NAA15: variants seen among roughly 807,000 people sequenced by gnomAD.
NAA15 encodes N-alpha-acetyltransferase 15, NatA auxiliary subunit.
In NAA15, 34 loss-of-function variants were observed where a neutral mutation model predicts 114.0. The observed-to-expected ratio is 0.30, with a 90% CI of 0.23 to 0.40. The LOEUF is 0.40. Ranked by LOEUF, NAA15 falls within the 10% of genes least tolerant of loss-of-function variation. NAA15 has a pLI of 1.00. For synonymous variants in NAA15, 340 were observed against 338.0 expected (o/e 1.01, Z -0.06); for missense variants, 658 against 1,004.5 (o/e 0.66, Z 4.66).
intron 17 of NAA15, 118 bp downstream of exon 17, chr4:139,378,972 T>C: frequency 1.6e-6 from 1 of 621,138 alleles, no homozygotes; most frequent in Non-Finnish European, 2.7e-6. Context: ...CATACTAAAT[T>C]AGCTAAGGGA....
At chr4:139,323,233 T>A (rs1208707411) in intron 1 of NAA15, among the ~76,000 whole-genome samples, 1 of 151,908 alleles carries the variant, frequency 6.6e-6, no homozygotes, top group Non-Finnish European at 1.5e-5. Flanking sequence ...ATTGTTGTAT[T>A]TTTAGTAGAG....
intron 3 of NAA15, among the ~76,000 whole-genome samples, chr4:139,337,761 GA>G (rs1747246801): frequency 6.6e-6 from 1 of 152,154 alleles, no homozygotes; most frequent in Admixed American, 6.6e-5. Context: ...TACAGACAAA[GA>G]AAAGATAACA....
intron 1 of NAA15, among the ~76,000 whole-genome samples, chr4:139,315,006 T>TTCAGTTCAGTTCAGG (rs1553992520): frequency 9.8e-6 from 1 of 101,528 alleles, no homozygotes; most frequent in Admixed American, 9.3e-5. Context: ...TTCAGTTTAG[T>TTCAGTTCAGTTCAGG]TTAGGTTAGG....
intron 15 of NAA15, among the ~76,000 whole-genome samples, chr4:139,375,801 A>G (rs981526405): frequency 1.3e-5 from 2 of 152,208 alleles, no homozygotes; most frequent in Admixed American, 1.3e-4. Flanking sequence ...CATTTATGTA[A>G]TTAATAAAAA....
intron 4 of NAA15, among the ~76,000 whole-genome samples, chr4:139,341,969 C>T (rs1747415928): frequency 6.6e-6 from 1 of 152,084 alleles, no homozygotes; most frequent in Admixed American, 6.5e-5. Context: ...CAGTCCACCC[C>T]ACCTTATTCT....
intron 19 of NAA15, among the ~76,000 whole-genome samples, chr4:139,387,022 T>A (rs1399818221): frequency 1.3e-5 from 2 of 152,186 alleles, no homozygotes; most frequent in African/African-American, 4.8e-5. Context: ...CAGTTATTAA[T>A]AAATATATTC....
At chr4:139,321,473 T>G (rs1011959453) in intron 1 of NAA15, among the ~76,000 whole-genome samples, 2 of 140,742 alleles carry the variant, frequency 1.4e-5, no homozygotes, top group South Asian at 2.3e-4. Flanking sequence ...CCTTATTTGT[T>G]TTTTTTTTTT....
Position 139,378,774 on chromosome 4 carries a change from T to C in NAA15, c.2075T>C (p.Leu692Pro). ...TTTATAGAAAAGTTTCTTTTGATGCTACAATCAGTAAAGAGGGCATTTGCT... is the reference window on the plus strand; with the variant it reads ...TTTATAGAAAAGTTTCTTTTGATGCCACAATCAGTAAAGAGGGCATTTGCT... ...YFRKEKFLLM[L>P]QSVKRAFAID... The change falls in exon 17 of 20, where the codon CTA becomes CCA. Residue 692 changes from leucine (L) to proline (P), a missense_variant. Transcript: ENST00000296543. 6.4e-7 allele frequency: 1 copy of C among 1,560,208 alleles called. No homozygotes were observed. The highest frequency in any genetic ancestry group is 8.6e-7 in the Non-Finnish European group (1 of 1,161,258).
Position 139,341,018 on chromosome 4 carries a change from A to G in NAA15, c.351A>G (p.Leu117=). ...LKWDKDNLQI[L]RDLSLLQIQM... is the part of the protein sequence containing the mutation. ...GGGATAAAGACAATCTTCAAATCTT[A>G]AGGGACCTTTCCTTACTACAGATTC... is the stretch of plus-strand genomic sequence containing the variant. Residue 117 remains leucine, a synonymous_variant, in exon 4 of 20, where the codon TTA becomes TTG. Transcript: ENST00000296543. 1 of 1,609,922 alleles carries G rather than the reference A, an allele frequency of 6.2e-7. No individual in the cohort carries two copies. The highest frequency in any genetic ancestry group is 8.5e-7 in the Non-Finnish European group (1 of 1,178,326).
At chr4:139,345,896 G>A (rs763779776) in intron 6 of NAA15, among the ~76,000 whole-genome samples, 19 of 152,146 alleles carry the variant, frequency 1.2e-4, no homozygotes, top group South Asian at 6.2e-4. Flanking sequence ...ACTCCAGGCT[G>A]GGCAACAGAG....
At chr4:139,386,852 T>TA (rs1748922507) in intron 19 of NAA15, among the ~76,000 whole-genome samples, 1 of 152,166 alleles carries the variant, frequency 6.6e-6, no homozygotes, top group African/African-American at 2.4e-5. Flanking sequence ...TACTAGGGGC[T>TA]AAATAAAAAT....
At position 139,315,041 on chromosome 4, in the gene NAA15, G is replaced by GTTTAGT. The variant is rs1560952979; in HGVS notation, c.54+13212_54+13213insTAGTTT. Among the ~76,000 whole-genome samples, 46 of 96,592 alleles carry GTTTAGT rather than the reference G, an allele frequency of 4.8e-4. 3 individuals are homozygous for GTTTAGT. Among genetic ancestry groups the GTTTAGT allele is most frequent in the African/African-American group, 1.4e-3 (32 of 23,572 alleles). 63.4% of individuals were successfully genotyped at this position (96,592 alleles called of 152,430 possible). A position where few individuals can be genotyped will look rare whatever the true frequency, so the allele number is the denominator to read the frequency against. ...GTTAGGTTAGGTTAGGTTAGGTTAGGTTAGGTTAGGTTAGTTTAGTTTAGT... is the reference window on the plus strand; with the variant it reads ...GTTAGGTTAGGTTAGGTTAGGTTAGGTTTAGTTTAGGTTAGGTTAGTTTAGTTTAGT... On this transcript the variant is annotated intron_variant, in intron 1 of 19. Transcript: ENST00000296543.
intron 1 of NAA15, among the ~76,000 whole-genome samples, chr4:139,310,798 T>C (rs1746196958): frequency 6.6e-6 from 1 of 151,670 alleles, no homozygotes; most frequent in African/African-American, 2.4e-5. Flanking sequence ...TTTGTATTTT[T>C]AGTACAGGCG....
intron 14 of NAA15, among the ~76,000 whole-genome samples, chr4:139,363,627 T>C (rs1401716183): frequency 6.6e-6 from 1 of 152,234 alleles, no homozygotes. Context: ...TTCACCATTA[T>C]AGTACTATAG....
intron 14 of NAA15, among the ~76,000 whole-genome samples, chr4:139,366,017 GA>G (rs1461424291): frequency 9.0e-6 from 1 of 111,730 alleles, no homozygotes; most frequent in Non-Finnish European, 1.8e-5. Context: ...GTCTCTATTA[GA>G]ATTTTTTTTT....
chr4:139,339,114 T>C (rs1227534116), intron 3 of NAA15, among the ~76,000 whole-genome samples: 3 of 151,996 alleles, frequency 2.0e-5, no homozygotes, highest in Non-Finnish European at 2.9e-5. Flanking sequence ...CCTGGCCAGA[T>C]TGAAGTTTGA....
rs1410586751 is a variant in NAA15, at chr4:139,389,162, C to G, written c.*1078C>G. Reference sequence around the variant, plus strand: ...TTCTTGCTCAGTTGTTTCAGGCAAGCCCAAGACTTTGTAATTTTTAAAGGG... The same window carrying G: ...TTCTTGCTCAGTTGTTTCAGGCAAGGCCAAGACTTTGTAATTTTTAAAGGG... On this transcript the variant is annotated 3_prime_UTR_variant, in exon 20 of 20. Transcript: ENST00000296543. The G allele has an allele frequency of 1.3e-5, 2 of 151,610 alleles. No individual in the cohort carries two copies. Among genetic ancestry groups the G allele is most frequent in the African/African-American group, 2.4e-5 (1 of 41,106 alleles). 9.4% of individuals were successfully genotyped at this position (151,610 alleles called of 1,614,324 possible).
intron 16 of NAA15, 106 bp from the exon 17 acceptor site, chr4:139,378,650 G>T: frequency 1.8e-6 from 1 of 568,916 alleles, no homozygotes. Context: ...TTGTGGTTCT[G>T]ATGTGATCGA....
intron 1 of NAA15, among the ~76,000 whole-genome samples, chr4:139,329,007 T>C (rs1746903204): frequency 6.6e-6 from 1 of 151,882 alleles, no homozygotes; most frequent in Non-Finnish European, 1.5e-5. Flanking sequence ...GTAGCTGGGA[T>C]TATAGGTGTG....
Sources: gnomAD v4.1 joint callset for allele counts (sites outside exome capture counted in the v4.1 genomes callset) on GRCh38, gnomAD v4.1.1 for gene constraint, MANE v1.5 for transcripts, NCBI Gene and HGNC (gene_info 2026-07-23, HGNC 2026-07-21) for gene names.